Variants in C20orf96 observed in about 807,000 individuals in gnomAD.
C20orf96 encodes the protein chromosome 20 open reading frame 96.
A neutral mutation model predicts 52.6 loss-of-function variants in C20orf96; 57 were observed. That is an observed-to-expected ratio of 1.08 (90% CI 0.88 to 1.35). C20orf96 has a LOEUF of 1.35. Ranked by LOEUF, C20orf96 falls within the 40% of genes most tolerant of loss-of-function variation. The probability of loss-of-function intolerance (pLI) is 0.00; values close to 1 mark genes in which losing one functional copy is unlikely to be tolerated. For missense variants in C20orf96, 478 were observed against 443.6 expected (o/e 1.08, Z -0.70); for synonymous variants, 168 against 157.2 (o/e 1.07, Z -0.51).
rs1568494805 is a variant in C20orf96 at position 289,571 on chromosome 20, T to C, written c.175A>G (p.Arg59Gly). 2 of 1,613,562 alleles carry C rather than the reference T, an allele frequency of 1.2e-6. No individual in the cohort carries two copies. Among genetic ancestry groups the C allele is most frequent in the East Asian group, 2.2e-5 (1 of 44,878 alleles). The change falls in exon 3 of 11, where the codon AGG becomes GGG. Residue 59 changes from arginine to glycine, a missense_variant. Transcript: ENST00000360321. ...TGCCTCCGCCCACCTGGTTGGACCC[T>C]AGTCAAAGTCTTCATTTTGCTTGTA... ...LHTSKMKTLT[R>G]VQPVFHFKPT...
intron 9 of C20orf96, 145 bp from the exon 10 acceptor site, chr20:276,231 G>C (rs950809531): frequency 1.3e-6 from 2 of 1,501,180 alleles, no homozygotes; most frequent in African/African-American, 2.8e-5. Flanking sequence ...CCAGGGAGGG[G>C]ACTTCCCCAT....
chr20:290,722 A>C lies in C20orf96; in HGVS notation c.-112T>G, dbSNP rs2012527744. 7.5e-7 allele frequency: 1 copy of C among 1,325,876 alleles called. No homozygotes were observed. The highest frequency in any genetic ancestry group is 2.4e-5 in the East Asian group (1 of 42,208). The allele number at this position is 1,325,876 out of a possible 1,614,324, so 82.1% of individuals were successfully genotyped here. A position where few individuals can be genotyped will look rare whatever the true frequency, so the allele number is the denominator to read the frequency against. ...TGTAGATCGCGCGGTAACCCAGGCCACTCAGAAGTCCCGAGACCCGATGCT... is the reference window on the plus strand; with the variant it reads ...TGTAGATCGCGCGGTAACCCAGGCCCCTCAGAAGTCCCGAGACCCGATGCT... On this transcript the variant is annotated 5_prime_UTR_variant, in exon 1 of 11. Transcript: ENST00000360321.
At chr20:273,569 G>C (rs528477606) in intron 10 of C20orf96, among the ~76,000 whole-genome samples, 2 of 151,194 alleles carry the variant, frequency 1.3e-5, no homozygotes, top group South Asian at 4.2e-4. Flanking sequence ...GCATCACCGG[G>C]TAGCTTCTTA....
intron 3 of C20orf96, among the ~76,000 whole-genome samples, chr20:284,935 A>G (rs2012344831): frequency 6.6e-6 from 1 of 152,238 alleles, no homozygotes; most frequent in Non-Finnish European, 1.5e-5. Context: ...TGAGCAAGTC[A>G]AATGACCTCT....
chr20:290,622 G>A lies in C20orf96; in HGVS notation c.-12C>T. On this transcript the variant is annotated 5_prime_UTR_variant, in exon 1 of 11. Coordinates refer to ENST00000360321, the MANE Select transcript of C20orf96 (RefSeq NM_153269.3). Reference sequence around the variant, plus strand: ...AAGACATGCGCCATTGGGGAAAATGGAAGAGAAGTTGCGAGTCTGTGAGAC... The same window carrying A: ...AAGACATGCGCCATTGGGGAAAATGAAAGAGAAGTTGCGAGTCTGTGAGAC... 6.2e-7 allele frequency: 1 copy of A among 1,602,560 alleles called. No individual in the cohort carries two copies. Among genetic ancestry groups the A allele is most frequent in the South Asian group, 1.1e-5 (1 of 90,686 alleles).
chr20:280,493 A>G (rs1238412128), intron 4 of C20orf96, among the ~76,000 whole-genome samples: 2 of 152,212 alleles, frequency 1.3e-5, no homozygotes, highest in African/African-American at 4.8e-5. Flanking sequence ...TTCACCCTCC[A>G]ACAGCTTTAT....
At chr20:278,652 TTGG>T (rs2012108559) in intron 5 of C20orf96, among the ~76,000 whole-genome samples, 1 of 151,592 alleles carries the variant, frequency 6.6e-6, no homozygotes, top group Non-Finnish European at 1.5e-5. Flanking sequence ...GCAAATGCTG[TTGG>T]TGGTAGCAGC....
At chr20:286,808 A>C (rs996976007) in intron 3 of C20orf96, among the ~76,000 whole-genome samples, 8 of 152,004 alleles carry the variant, frequency 5.3e-5, no homozygotes, top group African/African-American at 1.7e-4. Flanking sequence ...CCCTCCCCTT[A>C]CCACCCTCCT....
chr20:283,492 C>T (rs751860660), intron 4 of C20orf96, among the ~76,000 whole-genome samples: 1 of 151,968 alleles, frequency 6.6e-6, no homozygotes, highest in Non-Finnish European at 1.5e-5. Context: ...TGAGTAGAAA[C>T]GGGGTTTCAC....
Position 279,089 on chromosome 20 carries a change from C to A in C20orf96, c.465+83G>T, listed in dbSNP as rs111870023. On this transcript the variant is annotated intron_variant, in intron 5 of 10. Coordinates refer to ENST00000360321, the MANE Select transcript of C20orf96 (RefSeq NM_153269.3). ...GAGGGAGGGAGGGAGGGACGGAGGGCGGGACGGAGGGACGGAGGGAGGGAG... is the reference window on the plus strand; with the variant it reads ...GAGGGAGGGAGGGAGGGACGGAGGGAGGGACGGAGGGACGGAGGGAGGGAG... 70 of 569,122 alleles carry A rather than the reference C, an allele frequency of 1.2e-4. 2 individuals carry two copies. The African/African-American group carries it at 1.6e-3, about 13-fold the overall frequency. 35.3% of individuals were successfully genotyped at this position (569,122 alleles called of 1,614,324 possible).
At chr20:276,314 T>C (rs2012022066) in intron 9 of C20orf96, 1 of 985,208 alleles carries the variant, frequency 1.0e-6, no homozygotes, top group African/African-American at 1.7e-5. Context: ...TCATGGAGAA[T>C]GGAGACAGGT....
intron 4 of C20orf96, among the ~76,000 whole-genome samples, chr20:280,898 T>C (rs1482754017): frequency 6.6e-6 from 1 of 152,186 alleles, no homozygotes; most frequent in Non-Finnish European, 1.5e-5. Context: ...CTCACGCCTG[T>C]AATCCCAACA....
chr20:279,118 GGGAC>G (rs1568491513), intron 5 of C20orf96, 50 bp downstream of exon 5: 1 of 1,145,508 alleles, frequency 8.7e-7, no homozygotes, highest in Non-Finnish European at 1.1e-6. Context: ...GAGGGAGGGA[GGGAC>G]GGAGGTTGGG....
At chr20:278,543 C>CAG (rs1327417062) in intron 5 of C20orf96, 114 bp from the exon 6 acceptor site, 1 of 772,036 alleles carries the variant, frequency 1.3e-6, no homozygotes, top group African/African-American at 1.7e-5. Context: ...GAAACCTGAC[C>CAG]AGAGGCTAAT....
rs1250540814 is a variant in C20orf96, at chr20:279,123, G to A, written c.465+49C>T. On this transcript the variant is annotated intron_variant, in intron 5 of 10. Coordinates refer to ENST00000360321, the MANE Select transcript of C20orf96 (RefSeq NM_153269.3). Reference sequence around the variant, plus strand: ...GGGACGGAGGGAGGGAGGGAGGGACGGAGGTTGGGACGGAGGGACGGAGGG... The same window carrying A: ...GGGACGGAGGGAGGGAGGGAGGGACAGAGGTTGGGACGGAGGGACGGAGGG... The A allele has an allele frequency of 1.9e-5, 22 of 1,184,752 alleles. 3 individuals carry two copies. The African/African-American group carries it at 3.7e-4, about 20-fold the overall frequency. The allele number at this position is 1,184,752 out of a possible 1,614,324, so 73.4% of individuals were successfully genotyped here. A position where few individuals can be genotyped will look rare whatever the true frequency, so the allele number is the denominator to read the frequency against.
rs188184935 is a variant in C20orf96 at position 277,770 on chromosome 20, G to A, written c.566-387C>T. ...GCTCCCAAGACACAACCCATGGCAGGATTAAGACAAAGTCTATCCTGTCTT... is the reference window on the plus strand; with the variant it reads ...GCTCCCAAGACACAACCCATGGCAGAATTAAGACAAAGTCTATCCTGTCTT... On this transcript the variant is annotated intron_variant, in intron 6 of 10. Transcript: ENST00000360321. Among the ~76,000 whole-genome samples the A allele has an allele frequency of 2.7e-5, 4 of 150,392 alleles. No homozygotes were observed. The East Asian group carries it at 7.9e-4, about 30-fold the overall frequency.
intron 10 of C20orf96, among the ~76,000 whole-genome samples, chr20:275,734 G>A (rs1386136270): frequency 2.0e-5 from 3 of 152,210 alleles, no homozygotes; most frequent in Non-Finnish European, 4.4e-5. Context: ...GGCCCTTAGA[G>A]ATTACACCAC....
At chr20:290,075 T>C (rs2012497283) in intron 2 of C20orf96, among the ~76,000 whole-genome samples, 184 bp downstream of exon 2, 1 of 151,742 alleles carries the variant, frequency 6.6e-6, no homozygotes, top group Non-Finnish European at 1.5e-5. Flanking sequence ...GATAAGACAG[T>C]GAGAGGAGAA....
In C20orf96 at chr20:290,169, C is replaced by A. The variant is rs1375657136; in HGVS notation, c.69+90G>T. ...GGAATTCGGGTCTCCAGCCTATATC[C>A]GCGGAGCAGTCACGACCGTGAGAGT... is the stretch of plus-strand genomic sequence containing the variant. On this transcript the variant is annotated intron_variant, in intron 2 of 10. Transcript: ENST00000360321. The A allele has an allele frequency of 5.8e-6, 6 of 1,033,686 alleles. No homozygotes were observed. The African/African-American group carries it at 9.6e-5, about 17-fold the overall frequency. The allele number at this position is 1,033,686 out of a possible 1,614,324, so 64.0% of individuals were successfully genotyped here. A position where few individuals can be genotyped will look rare whatever the true frequency, so the allele number is the denominator to read the frequency against.
Sources: gnomAD v4.1 joint callset for allele counts (sites outside exome capture counted in the v4.1 genomes callset) on GRCh38, gnomAD v4.1.1 for gene constraint, MANE v1.5 for transcripts, NCBI Gene and HGNC (gene_info 2026-07-23, HGNC 2026-07-21) for gene names.